Variants in ALMS1 observed in about 807,000 individuals in gnomAD.
ALMS1 encodes ALMS1 centrosome and basal body associated protein.
In ALMS1, 271 loss-of-function variants were observed where a neutral mutation model predicts 352.2. The observed-to-expected ratio is 0.77, with a 90% CI of 0.70 to 0.85. The LOEUF is 0.85. Among genes scored for constraint, ALMS1 ranks in the 40% least tolerant of loss-of-function variants. The pLI is 0.00. For missense variants in ALMS1, 5,445 were observed against 4,870.7 expected (o/e 1.12, Z -3.51); for synonymous variants, 1,865 against 1,761.2 (o/e 1.06, Z -1.48).
chr2:73,399,916 C>T (rs10184268), intron 1 of ALMS1, among the ~76,000 whole-genome samples: 57,266 of 149,668 alleles, frequency 0.38, 15,386 homozygotes, highest in African/African-American at 0.77. Flanking sequence ...AGCTTGTCAA[C>T]ATGATGGATT....
intron 9 of ALMS1, among the ~76,000 whole-genome samples, chr2:73,464,602 T>G (rs1172146148): frequency 6.6e-6 from 1 of 152,068 alleles, no homozygotes; most frequent in African/African-American, 2.4e-5. Flanking sequence ...CCAGGGCAGT[T>G]AGGCAGGAGA....
intron 15 of ALMS1, among the ~76,000 whole-genome samples, chr2:73,559,962 A>G (rs1346259977): frequency 1.3e-5 from 2 of 152,226 alleles, no homozygotes; most frequent in African/African-American, 2.4e-5. Flanking sequence ...ACTTCAGGAC[A>G]TTGAACTTGG....
chr2:73,439,132 A>G (rs1370490691), intron 7 of ALMS1, among the ~76,000 whole-genome samples: 1 of 68,478 alleles, frequency 1.5e-5, no homozygotes, highest in Non-Finnish European at 2.6e-5. Flanking sequence ...TTTTTTTTTT[A>G]AATAAAGATA....
At chr2:73,546,240 A>C (rs972180155) in intron 12 of ALMS1, among the ~76,000 whole-genome samples, 4 of 152,204 alleles carry the variant, frequency 2.6e-5, no homozygotes, top group Non-Finnish European at 4.4e-5. Context: ...TGTATATGGT[A>C]TGATCCCTGT....
In ALMS1 at chr2:73,528,109, A is replaced by G. The variant is rs186047527; in HGVS notation, c.9782-6715A>G. 6.6e-5 allele frequency among the ~76,000 whole-genome samples: 10 copies of G among 152,248 alleles called. No individual in the cohort carries two copies. The East Asian group carries it at 1.9e-3, about 29-fold the overall frequency. ...GTTTTATTTCATTGTGATCAGAGAA[A>G]TGACTTGATATAATTACAATTATTT... On this transcript the variant is annotated intron_variant, in intron 11 of 22. Transcript: ENST00000613296.
chr2:73,565,041 CA>C (rs1674774411), intron 15 of ALMS1, among the ~76,000 whole-genome samples: 1 of 152,176 alleles, frequency 6.6e-6, no homozygotes, highest in South Asian at 2.1e-4. Flanking sequence ...CTTTCGGATG[CA>C]AATGCACATC....
At chr2:73,543,958 G>A (rs912458382) in intron 12 of ALMS1, among the ~76,000 whole-genome samples, 19 of 152,164 alleles carry the variant, frequency 1.2e-4, no homozygotes, top group South Asian at 2.1e-4. Context: ...TCAGTGTGGC[G>A]ATTCCTCAGG....
At chr2:73,386,401 C>T (rs1463756509) in intron 1 of ALMS1, among the ~76,000 whole-genome samples, 1 of 152,208 alleles carries the variant, frequency 6.6e-6, no homozygotes, top group Non-Finnish European at 1.5e-5. Flanking sequence ...TTTCCTCCCC[C>T]TCGGTGGGTC....
At chr2:73,588,018 C>G (rs1675346358) in intron 16 of ALMS1, among the ~76,000 whole-genome samples, 1 of 152,024 alleles carries the variant, frequency 6.6e-6, no homozygotes, top group Non-Finnish European at 1.5e-5. Flanking sequence ...GAGATTGAAA[C>G]AGTAATTTAA....
At chr2:73,561,837 T>C (rs995001295) in intron 15 of ALMS1, among the ~76,000 whole-genome samples, 1 of 152,174 alleles carries the variant, frequency 6.6e-6, no homozygotes, top group African/African-American at 2.4e-5. Context: ...AAATATAATC[T>C]GTAAAAGCAT....
chr2:73,539,957 A>C (rs1674129588), intron 12 of ALMS1, among the ~76,000 whole-genome samples: 1 of 152,246 alleles, frequency 6.6e-6, no homozygotes, highest in Non-Finnish European at 1.5e-5. Flanking sequence ...GCAGGATATT[A>C]TCCAGGAGAA....
chr2:73,531,952 C>T (rs1572999208), intron 11 of ALMS1, among the ~76,000 whole-genome samples: 1 of 152,244 alleles, frequency 6.6e-6, no homozygotes, highest in East Asian at 1.9e-4. Context: ...CAGGTCTCTG[C>T]CTCAACATAT....
rs754001171 is a variant in ALMS1 at position 73,451,142 on chromosome 2, C to T, written c.4615C>T (p.Leu1539=). The T allele has an allele frequency of 8.7e-6, 14 of 1,613,852 alleles. No homozygotes were observed. In the East Asian group the frequency reaches 8.9e-5, roughly 10 times the overall value. ...KSGSFYQLAL[L]GSQIPEEALR... Reference sequence around the variant, plus strand: ...TGGCAGTTTCTACCAACTGGCATTGCTAGGTAGTCAAATACCTGAAGAGGC... The same window carrying T: ...TGGCAGTTTCTACCAACTGGCATTGTTAGGTAGTCAAATACCTGAAGAGGC... Residue 1539 remains leucine, a synonymous_variant, in exon 8 of 23, where the codon CTA becomes TTA. Coordinates refer to ENST00000613296, the MANE Select transcript of ALMS1 (RefSeq NM_001378454.1).
intron 9 of ALMS1, among the ~76,000 whole-genome samples, chr2:73,462,580 T>A (rs1210687019): frequency 6.6e-6 from 1 of 152,190 alleles, no homozygotes; most frequent in Non-Finnish European, 1.5e-5. Context: ...AACATCATAA[T>A]GACAGGACCA....
intron 7 of ALMS1, among the ~76,000 whole-genome samples, chr2:73,438,985 TTCTTCTTCTTCC>T (rs942774949): frequency 5.2e-5 from 7 of 133,452 alleles, no homozygotes; most frequent in Admixed American, 7.1e-5. Context: ...GTTCTTTTCT[TTCTTCTTCTTCC>T]TCTTCTTCCT....
intron 16 of ALMS1, among the ~76,000 whole-genome samples, chr2:73,593,496 A>G (rs570326975): frequency 2.6e-5 from 4 of 152,218 alleles, no homozygotes; most frequent in Non-Finnish European, 4.4e-5. Flanking sequence ...ACTATAGAGT[A>G]TAACCTTTTT....
chr2:73,484,357 T>A (rs1672780271), intron 9 of ALMS1, among the ~76,000 whole-genome samples: 1 of 150,782 alleles, frequency 6.6e-6, no homozygotes, highest in African/African-American at 2.4e-5. Context: ...GGATATGAAA[T>A]TCTGGGTTGA....
intron 21 of ALMS1, among the ~76,000 whole-genome samples, chr2:73,607,533 T>C (rs1675841699): frequency 6.6e-6 from 1 of 152,124 alleles, no homozygotes; most frequent in South Asian, 2.1e-4. Flanking sequence ...ACGCTCCTTT[T>C]TGGGAAGCCT....
rs762373713 is a variant in ALMS1, at chr2:73,449,390, C to T, written c.2863C>T (p.His955Tyr). The change falls in exon 8 of 23, where the codon CAC becomes TAC. Residue 955 changes from histidine to tyrosine, a missense_variant. By Grantham distance (83) the His-to-Tyr change is moderately conservative (BLOSUM62 2). Coordinates refer to ENST00000613296, the MANE Select transcript of ALMS1 (RefSeq NM_001378454.1). The part of the protein sequence containing the change: ...TGTPTVSSNS[H>Y]SHSEKSSVFY... ...GACACCAACAGTGTCCTCTAATTCT[C>T]ACTCACATAGCGAGAAATCTAGTGT... The T allele has an allele frequency of 3.1e-6, 5 of 1,614,060 alleles. No homozygotes were observed. Among genetic ancestry groups the T allele is most frequent in the South Asian group, 2.2e-5 (2 of 91,082 alleles).
Sources: allele counts gnomAD v4.1 joint callset (sites outside exome capture counted in the v4.1 genomes callset), GRCh38; gene constraint gnomAD v4.1.1; transcripts MANE v1.5; gene names NCBI Gene and HGNC (gene_info 2026-07-23, HGNC 2026-07-21).